The following OR2L13 variants were observed in gnomAD, a reference collection of about 807,000 sequenced individuals.
The protein encoded by OR2L13 is olfactory receptor 2L13.
In OR2L13, 14 loss-of-function variants were observed where a neutral mutation model predicts 15.3. The ratio of observed to expected loss-of-function variants is 0.91; its 90% CI spans 0.60 to 1.43. The LOEUF (loss-of-function observed/expected upper bound fraction) is 1.43, where lower values mean the gene tolerates loss of function less well. OR2L13 is among the 40% of genes most tolerant of loss of function. OR2L13 has a pLI of 0.00. For synonymous variants in OR2L13, 152 were observed against 142.9 expected, an observed-to-expected ratio of 1.06 and a Z score of -0.45; for missense variants, 367 against 387.9, an observed-to-expected ratio of 0.95 and a Z score of 0.45.
chr1:247,983,178 A>G, the OR2L13 span, among the ~76,000 whole-genome samples: 1 of 152,200 alleles, frequency 6.6e-6, no homozygotes, highest in Admixed American at 6.5e-5. Context: ...TTCATCATCT[A>G]TAAAACGTCG....
chr1:248,040,114 A>G, the OR2L13 span: 1 of 152,118 alleles, frequency 6.6e-6, no homozygotes, highest in Non-Finnish European at 1.5e-5. Context: ...GCACAATTTT[A>G]TTTCCACTTA....
chr1:247,966,352 A>G, the OR2L13 span: 1 of 1,593,694 alleles, frequency 6.3e-7, no homozygotes, highest in Non-Finnish European at 8.5e-7. Flanking sequence ...GAGCATTAAC[A>G]ACATAAAAAG....
chr1:248,004,376 T>C, the OR2L13 span, among the ~76,000 whole-genome samples: 1 of 152,358 alleles, frequency 6.6e-6, no homozygotes, highest in Admixed American at 6.5e-5. Context: ...AGTTGGCACT[T>C]AGTATAACAA....
At chr1:248,061,827 A>G in the OR2L13 span, 2 of 425,506 alleles carry the variant, frequency 4.7e-6, no homozygotes, top group Non-Finnish European at 4.1e-6. Flanking sequence ...CATTGTTTCC[A>G]TAAATTTTGA....
the OR2L13 span, chr1:248,022,706 C>G: frequency 6.2e-7 from 1 of 1,614,024 alleles, no homozygotes; most frequent in African/African-American, 1.3e-5. Flanking sequence ...ACTATGCACC[C>G]TTTGCTTATA....
At chr1:248,094,565 G>C (rs1664674820), upstream of OR2L13, among the ~76,000 whole-genome samples, 3 of 152,190 alleles carry the variant, frequency 2.0e-5, no homozygotes, top group Admixed American at 6.5e-5. Flanking sequence ...TGGCATAGCT[G>C]TCAGACTAGA....
At chr1:247,942,330 A>C in the OR2L13 span, among the ~76,000 whole-genome samples, 1 of 152,120 alleles carries the variant, frequency 6.6e-6, no homozygotes, top group Non-Finnish European at 1.5e-5. Context: ...GCTTCTTTAG[A>C]TATCATCTTT....
At chr1:247,982,037 A>G in the OR2L13 span, among the ~76,000 whole-genome samples, 6,217 of 152,020 alleles carry the variant, frequency 0.041, 350 homozygotes, top group African/African-American at 0.13. Context: ...GGATGGTCTC[A>G]ATCTCCTGAC....
the OR2L13 span, among the ~76,000 whole-genome samples, chr1:247,968,229 G>C: frequency 1.3e-5 from 2 of 152,260 alleles, no homozygotes; most frequent in East Asian, 3.9e-4. Context: ...CTGAATGTCA[G>C]AGAGTTTATG....
chr1:248,013,845 C>T, the OR2L13 span: 2 of 152,072 alleles, frequency 1.3e-5, no homozygotes, highest in African/African-American at 4.8e-5. Flanking sequence ...GAAGTTTGAG[C>T]ACTAGTAATT....
At chr1:248,044,096 A>C in the OR2L13 span, among the ~76,000 whole-genome samples, 1 of 152,024 alleles carries the variant, frequency 6.6e-6, no homozygotes. Context: ...GGAATACCAA[A>C]CTTTCTGGGA....
the OR2L13 span, among the ~76,000 whole-genome samples, chr1:248,025,357 A>C: frequency 2.7e-5 from 4 of 148,128 alleles, no homozygotes. Flanking sequence ...AATGCTCACC[A>C]TCACTGGCCA....
chr1:248,060,884 T>G, the OR2L13 span: 3 of 1,613,924 alleles, frequency 1.9e-6, no homozygotes, highest in Non-Finnish European at 2.5e-6. Context: ...CTCTCCCTCA[T>G]TGACCTAAAT....
the OR2L13 span, among the ~76,000 whole-genome samples, chr1:248,002,123 T>C: frequency 4.7e-3 from 722 of 152,334 alleles, 7 homozygotes; most frequent in African/African-American, 0.016. Context: ...AAATTTTTTT[T>C]TAATTACCAA....
the OR2L13 span, among the ~76,000 whole-genome samples, chr1:247,992,338 C>A: frequency 3.3e-5 from 5 of 152,088 alleles, no homozygotes; most frequent in African/African-American, 1.2e-4. Flanking sequence ...CAACAGTAGG[C>A]TATCATTAGT....
chr1:248,012,379 T>A, the OR2L13 span, among the ~76,000 whole-genome samples: 1 of 152,132 alleles, frequency 6.6e-6, no homozygotes, highest in African/African-American at 2.4e-5. Flanking sequence ...CATGTTAGTT[T>A]CTGTCTCATA....
the OR2L13 span, among the ~76,000 whole-genome samples, chr1:248,059,055 G>T: frequency 2.0e-5 from 3 of 152,092 alleles, no homozygotes; most frequent in Non-Finnish European, 4.4e-5. Flanking sequence ...CATCTCTGAA[G>T]ATATGAATTC....
the OR2L13 span, among the ~76,000 whole-genome samples, chr1:248,021,264 T>G: frequency 6.6e-6 from 1 of 152,210 alleles, no homozygotes; most frequent in African/African-American, 2.4e-5. Context: ...TCATCAAATA[T>G]TAATCTCTGG....
the OR2L13 span, among the ~76,000 whole-genome samples, chr1:248,016,860 C>T: frequency 2.0e-5 from 3 of 151,670 alleles, no homozygotes; most frequent in African/African-American, 7.3e-5. Context: ...ACTTACAACC[C>T]CTGAATCTCA....
Sources: allele counts gnomAD v4.1 joint callset (sites outside exome capture counted in the v4.1 genomes callset), GRCh38; gene constraint gnomAD v4.1.1; transcripts MANE v1.5; gene names NCBI Gene and HGNC (gene_info 2026-07-23, HGNC 2026-07-21).